Variants in SEC23A observed in about 807,000 individuals in gnomAD.
The protein encoded by SEC23A is SEC23 homolog A, COPII component, also known as protein transport protein Sec23A.
Under a neutral mutation model 103.7 loss-of-function variants are expected in SEC23A, and 56 were observed. That is an observed-to-expected ratio of 0.54 (90% confidence interval 0.44 to 0.67). SEC23A has a LOEUF of 0.67. Among genes scored for constraint, SEC23A ranks in the 30% least tolerant of loss-of-function variants. SEC23A has a pLI of 0.00. For missense variants in SEC23A, 784 were observed against 936.4 expected (o/e 0.84, Z 2.12); for synonymous variants, 281 against 293.0 (o/e 0.96, Z 0.42).
rs1885607279 is a variant in SEC23A at position 39,040,663 on chromosome 14, A to C, written c.2142+69T>G. ...TATGAAGCAATCTATTAAAATCAGA[A>C]GGCAAGCAGGTACACCTCACTGCAA... On this transcript the variant is annotated intron_variant, in intron 18 of 19. Coordinates refer to ENST00000307712, the MANE Select transcript of SEC23A (RefSeq NM_006364.4). 1.0e-5 allele frequency: 16 copies of C among 1,581,612 alleles called. No homozygotes were observed. In the South Asian group the frequency reaches 1.6e-4, roughly 15 times the overall value.
At chr14:39,059,158 CAA>C (rs1886362407) in intron 13 of SEC23A, among the ~76,000 whole-genome samples, 1 of 151,706 alleles carries the variant, frequency 6.6e-6, no homozygotes, top group African/African-American at 2.4e-5. Flanking sequence ...ATTCCTAGAT[CAA>C]AGTCATTTTG....
intron 7 of SEC23A, among the ~76,000 whole-genome samples, chr14:39,079,352 G>T (rs1366054130): frequency 6.6e-6 from 1 of 152,140 alleles, no homozygotes; most frequent in African/African-American, 2.4e-5. Context: ...ATCCTTCTCT[G>T]TGTATAATCG....
chr14:39,065,389 T>C (rs1886623209), intron 10 of SEC23A, among the ~76,000 whole-genome samples: 1 of 151,326 alleles, frequency 6.6e-6, no homozygotes, highest in Admixed American at 6.6e-5. Flanking sequence ...ATGTAAGCTA[T>C]CACAATACCT....
At chr14:39,046,741 G>GA (rs1167379038) in intron 15 of SEC23A, among the ~76,000 whole-genome samples, 1 of 152,084 alleles carries the variant, frequency 6.6e-6, no homozygotes, top group African/African-American at 2.4e-5. Flanking sequence ...CTCCTCACAT[G>GA]AAAGAAATCA....
chr14:39,071,866 TA>T lies in SEC23A; in HGVS notation c.1103+2548del, dbSNP rs544363015. ...GTGACAGAGCGACTCCGTCTCAAAA[TA>T]AAAAAGAAAGAAAAAGCATGAAATA... is the stretch of plus-strand genomic sequence containing the variant. On this transcript the variant is annotated intron_variant, in intron 9 of 19. Coordinates refer to ENST00000307712, the MANE Select transcript of SEC23A (RefSeq NM_006364.4). Among the ~76,000 whole-genome samples the T allele has an allele frequency of 2.7e-3, 407 of 149,840 alleles. 3 individuals carry two copies. The highest frequency in any genetic ancestry group is 3.9e-3 in the Non-Finnish European group (264 of 67,232).
chr14:39,068,307 C>A (rs545733864), intron 9 of SEC23A, among the ~76,000 whole-genome samples: 3 of 152,016 alleles, frequency 2.0e-5, no homozygotes, highest in Non-Finnish European at 4.4e-5. Flanking sequence ...TGGTACAACC[C>A]CAGTACAGAG....
In SEC23A at chr14:39,032,395, T is replaced by C. The variant is rs1198154295; in HGVS notation, c.*844A>G. 6.6e-6 allele frequency: 1 copy of C among 152,594 alleles called. No homozygotes were observed. Among genetic ancestry groups the C allele is most frequent in the Non-Finnish European group, 1.5e-5 (1 of 67,994 alleles). The allele number at this position is 152,594 out of a possible 1,614,324, so 9.5% of individuals were successfully genotyped here. A position where few individuals can be genotyped will look rare whatever the true frequency, so the allele number is the denominator to read the frequency against. Reference sequence around the variant, plus strand: ...AGTGTTAAAATACTGAAGGATATAATGCAAAATTTACCTCTGAAAAACAAG... The same window carrying C: ...AGTGTTAAAATACTGAAGGATATAACGCAAAATTTACCTCTGAAAAACAAG... On this transcript the variant is annotated 3_prime_UTR_variant, in exon 20 of 20. Transcript: ENST00000307712.
At chr14:39,097,714 G>A (rs762773890) in intron 1 of SEC23A, among the ~76,000 whole-genome samples, 5 of 152,080 alleles carry the variant, frequency 3.3e-5, no homozygotes, top group East Asian at 1.9e-4. Flanking sequence ...AAAATCTTAC[G>A]CTAATCAAAA....
At chr14:39,045,617 G>A (rs1427034243) in intron 15 of SEC23A, among the ~76,000 whole-genome samples, 5 of 152,118 alleles carry the variant, frequency 3.3e-5, no homozygotes, top group African/African-American at 1.2e-4. Flanking sequence ...CCAACACTCT[G>A]GGATGGCTTG....
In SEC23A at chr14:39,032,525, A is replaced by AT. The variant is rs1438706397; in HGVS notation, c.*713dup. The AT allele has an allele frequency of 6.6e-6, 1 of 152,492 alleles. No homozygotes were observed. The highest frequency in any genetic ancestry group is 1.5e-5 in the Non-Finnish European group (1 of 67,972). The allele number at this position is 152,492 out of a possible 1,614,324, so 9.4% of individuals were successfully genotyped here. On this transcript the variant is annotated 3_prime_UTR_variant, in exon 20 of 20. Coordinates refer to ENST00000307712, the MANE Select transcript of SEC23A (RefSeq NM_006364.4). ...AAAATGCACTCCAACAAAACCATTT[A>AT]TTTTCTATCTCCCCTTTTAAAAAAA...
chr14:39,034,895 T>TA (rs1885411323), intron 19 of SEC23A, among the ~76,000 whole-genome samples: 1 of 152,206 alleles, frequency 6.6e-6, no homozygotes, highest in African/African-American at 2.4e-5. Flanking sequence ...GGTGCCCTCT[T>TA]ACGGCCGTTC....
intron 14 of SEC23A, among the ~76,000 whole-genome samples, chr14:39,054,037 G>C (rs1886158961): frequency 6.6e-6 from 1 of 152,132 alleles, no homozygotes; most frequent in African/African-American, 2.4e-5. Flanking sequence ...CACTTTGGGA[G>C]AATGAGGTGG....
At chr14:39,045,110 A>T in intron 16 of SEC23A, 53 bp downstream of exon 16, 1 of 1,514,534 alleles carries the variant, frequency 6.6e-7, no homozygotes, top group Non-Finnish European at 9.2e-7. Flanking sequence ...TCACTTTTTT[A>T]ATGCCACACA....
intron 14 of SEC23A, among the ~76,000 whole-genome samples, chr14:39,054,854 T>C (rs1886187347): frequency 6.6e-6 from 1 of 152,116 alleles, no homozygotes; most frequent in African/African-American, 2.4e-5. Context: ...TACAATAATA[T>C]AGAATTAAAT....
chr14:39,065,279 C>T (rs374748573), intron 10 of SEC23A, among the ~76,000 whole-genome samples: 1 of 152,132 alleles, frequency 6.6e-6, no homozygotes, highest in Non-Finnish European at 1.5e-5. Context: ...CCAAAATTCA[C>T]ATATCCTAAT....
chr14:39,039,588 A>G (rs1252779048), intron 18 of SEC23A: 1 of 156,228 alleles, frequency 6.4e-6, no homozygotes, highest in Non-Finnish European at 1.4e-5. Flanking sequence ...TAATAACCAG[A>G]ATAAAAGAGG....
intron 3 of SEC23A, chr14:39,092,952 C>T: frequency 2.1e-6 from 1 of 482,078 alleles, no homozygotes; most frequent in Non-Finnish European, 3.7e-6. Context: ...CAAGCTCCAC[C>T]TCCCGGGTTC....
intron 3 of SEC23A, 79 bp from the exon 4 acceptor site, chr14:39,092,706 C>T: frequency 2.5e-6 from 2 of 785,172 alleles, no homozygotes; most frequent in Non-Finnish European, 4.2e-6. Flanking sequence ...AAAGTATTTC[C>T]TGATCATTTA....
intron 15 of SEC23A, among the ~76,000 whole-genome samples, chr14:39,047,687 T>A (rs1172297574): frequency 6.6e-6 from 1 of 152,194 alleles, no homozygotes; most frequent in Non-Finnish European, 1.5e-5. Flanking sequence ...CTCCTTTAAG[T>A]TTCCTTTAAA....
Sources: gnomAD v4.1 joint callset for allele counts (sites outside exome capture counted in the v4.1 genomes callset) on GRCh38, gnomAD v4.1.1 for gene constraint, MANE v1.5 for transcripts, NCBI Gene and HGNC (gene_info 2026-07-23, HGNC 2026-07-21) for gene names.